MYLK: variants seen among roughly 807,000 people sequenced by gnomAD.
The protein encoded by MYLK is myosin light chain kinase.
MYLK carries 106 observed loss-of-function variants against 203.4 expected under a neutral mutation model. The ratio of observed to expected loss-of-function variants is 0.52; its 90% CI spans 0.45 to 0.61. The LOEUF (loss-of-function observed/expected upper bound fraction) is 0.61. MYLK is among the 20% of genes least tolerant of loss of function. The pLI is 0.00. For missense variants in MYLK, 2,072 were observed against 2,442.3 expected, an observed-to-expected ratio of 0.85 and a Z score of 3.20; for synonymous variants, 867 against 959.5, an observed-to-expected ratio of 0.90 and a Z score of 1.78.
chr3:123,613,900 A>T lies in MYLK; in HGVS notation c.*205T>A. ...TGAAATCTAGCTGCACTAGTATCTT[A>T]AGGTGCCAACTAACATAGATTAATG... On this transcript the variant is annotated 3_prime_UTR_variant, in exon 34 of 34. Coordinates refer to ENST00000360304, the MANE Select transcript of MYLK (RefSeq NM_053025.4). The T allele has an allele frequency of 1.6e-6, 1 of 607,084 alleles. No homozygotes were observed. The highest frequency in any genetic ancestry group is 2.9e-6 in the Non-Finnish European group (1 of 345,210). The allele number at this position is 607,084 out of a possible 1,614,324, so 37.6% of individuals were successfully genotyped here.
chr3:123,858,158 T>C (rs2031579094), intron 2 of MYLK, among the ~76,000 whole-genome samples: 1 of 152,218 alleles, frequency 6.6e-6, no homozygotes, highest in African/African-American at 2.4e-5. Context: ...GTTTATCACT[T>C]GCAATAGTGC....
intron 11 of MYLK, among the ~76,000 whole-genome samples, chr3:123,730,466 C>A (rs2062437326): frequency 6.6e-6 from 1 of 152,196 alleles, no homozygotes; most frequent in Admixed American, 6.5e-5. Flanking sequence ...CATAGCAACA[C>A]TTTTCACCAT....
At chr3:123,857,589 T>A (rs537705950) in intron 2 of MYLK, among the ~76,000 whole-genome samples, 20 of 146,106 alleles carry the variant, frequency 1.4e-4, no homozygotes, top group Non-Finnish European at 2.5e-4. Context: ...TAGGTGGGAA[T>A]TGAACAATGA....
chr3:123,765,011 T>A (rs1201217806), intron 4 of MYLK, among the ~76,000 whole-genome samples: 1 of 152,220 alleles, frequency 6.6e-6, no homozygotes, highest in African/African-American at 2.4e-5. Flanking sequence ...GTTTTCATTT[T>A]CTTTCTTTAA....
chr3:123,785,096 A>G (rs1240940309), intron 4 of MYLK, among the ~76,000 whole-genome samples: 15 of 152,262 alleles, frequency 9.9e-5, no homozygotes, highest in Admixed American at 9.8e-4. Context: ...TCTCAAATAT[A>G]TGGCTGAAGC....
chr3:123,675,599 A>G (rs1474612071), intron 20 of MYLK, among the ~76,000 whole-genome samples: 1 of 152,246 alleles, frequency 6.6e-6, no homozygotes, highest in Non-Finnish European at 1.5e-5. Context: ...CCTTGGGTAC[A>G]GGGAGGTCCC....
chr3:123,872,360 C>G (rs777569615), intron 2 of MYLK, among the ~76,000 whole-genome samples: 7 of 152,154 alleles, frequency 4.6e-5, no homozygotes, highest in Non-Finnish European at 8.8e-5. Flanking sequence ...GAATCTCTCT[C>G]TAGACACCAG....
intron 13 of MYLK, among the ~76,000 whole-genome samples, chr3:123,712,830 T>C (rs990994821): frequency 2.6e-5 from 4 of 152,236 alleles, no homozygotes; most frequent in Non-Finnish European, 5.9e-5. Context: ...AAAAATACTT[T>C]GTACAACCAT....
intron 23 of MYLK, among the ~76,000 whole-genome samples, chr3:123,661,698 G>C (rs1027164981): frequency 6.6e-6 from 1 of 152,200 alleles, no homozygotes; most frequent in Admixed American, 6.5e-5. Context: ...ACAGAACACA[G>C]GGTAAAGAAA....
chr3:123,751,341 C>T (rs2063185656), intron 5 of MYLK, among the ~76,000 whole-genome samples: 2 of 152,246 alleles, frequency 1.3e-5, no homozygotes, highest in Non-Finnish European at 2.9e-5. Context: ...ACTTATGGTC[C>T]AATTTTTCTC....
chr3:123,755,538 A>T (rs2063333774), intron 4 of MYLK, among the ~76,000 whole-genome samples: 1 of 152,134 alleles, frequency 6.6e-6, no homozygotes, highest in Non-Finnish European at 1.5e-5. Context: ...AATTTTTGTG[A>T]CCTTGTTCAG....
At chr3:123,764,048 T>A (rs2063622696) in intron 4 of MYLK, among the ~76,000 whole-genome samples, 1 of 152,236 alleles carries the variant, frequency 6.6e-6, no homozygotes, top group South Asian at 2.1e-4. Flanking sequence ...GTATATTGAA[T>A]TTATTATTTT....
chr3:123,713,579 A>G (rs1291279412), intron 13 of MYLK, among the ~76,000 whole-genome samples: 283 of 136,372 alleles, frequency 2.1e-3, no homozygotes, highest in African/African-American at 4.6e-3. Context: ...GAGCAACACA[A>G]TGTGTGTGTG....
intron 11 of MYLK, among the ~76,000 whole-genome samples, chr3:123,728,563 CT>C (rs2062372386): frequency 6.6e-6 from 1 of 150,620 alleles, no homozygotes; most frequent in South Asian, 2.1e-4. Context: ...TACCCTGCCC[CT>C]CCACCCTCCC....
intron 3 of MYLK, among the ~76,000 whole-genome samples, chr3:123,826,219 G>C (rs1208841166): frequency 1.3e-5 from 2 of 152,202 alleles, no homozygotes; most frequent in South Asian, 2.1e-4. Flanking sequence ...GCAGCTGTCT[G>C]TCCACGTCCC....
rs763487964 is a variant in MYLK at position 123,811,668 on chromosome 3, C to T, written c.-3-17824G>A. 3.9e-5 allele frequency among the ~76,000 whole-genome samples: 6 copies of T among 152,218 alleles called. No homozygotes were observed. The East Asian group carries it at 5.8e-4, about 15-fold the overall frequency. ...TTATTGAGTGTTAGATGCTCTCTCTCGCCAACAGTAACAAGATTGGTATAG... is the reference window on the plus strand; with the variant it reads ...TTATTGAGTGTTAGATGCTCTCTCTTGCCAACAGTAACAAGATTGGTATAG... On this transcript the variant is annotated intron_variant, in intron 3 of 33. Transcript: ENST00000360304.
chr3:123,709,134 AT>A (rs1161776768), intron 14 of MYLK: 15,873 of 171,580 alleles, frequency 0.093, 57 homozygotes, highest in South Asian at 0.16. Flanking sequence ...TTCTCACATA[AT>A]TTTTTTTTTT....
rs911996748 is a variant in MYLK, at chr3:123,640,072, G to A, written c.4837+215C>T. On this transcript the variant is annotated intron_variant, in intron 28 of 33. Coordinates refer to ENST00000360304, the MANE Select transcript of MYLK (RefSeq NM_053025.4). This position sits in a 1 kb window ranked among gnomAD's most constrained non-coding sequence, Gnocchi z 4.3. ...CACATTTGATCCTCCTAACAAATCT[G>A]TGAGTTAGGTCCTACTATGATCCCA... 1.3e-5 allele frequency among the ~76,000 whole-genome samples: 2 copies of A among 152,036 alleles called. No individual in the cohort carries two copies. Among genetic ancestry groups the A allele is most frequent in the Non-Finnish European group, 2.9e-5 (2 of 68,032 alleles).
chr3:123,680,379 T>C (rs1342279724), intron 20 of MYLK, among the ~76,000 whole-genome samples: 2 of 152,206 alleles, frequency 1.3e-5, no homozygotes, highest in Admixed American at 6.5e-5. Context: ...GGGACAGCCA[T>C]GCCATAGCCC....
Sources: allele counts gnomAD v4.1 joint callset (sites outside exome capture counted in the v4.1 genomes callset), GRCh38; gene constraint gnomAD v4.1.1; non-coding constraint Gnocchi (gnomAD v3.1); transcripts MANE v1.5; gene names NCBI Gene and HGNC (gene_info 2026-07-23, HGNC 2026-07-21).